OGN: variants seen among roughly 807,000 people sequenced by gnomAD.
OGN encodes the protein mimecan.
Under a neutral mutation model 30.8 loss-of-function variants are expected in OGN, and 19 were observed. The observed-to-expected ratio is 0.62, with a 90% CI of 0.43 to 0.90. The LOEUF (loss-of-function observed/expected upper bound fraction) is 0.90, where lower values mean the gene tolerates loss of function less well. OGN is among the 40% of genes least tolerant of loss of function. OGN has a pLI of 0.00. For synonymous variants in OGN, 126 were observed against 128.3 expected (o/e 0.98, Z 0.12); for missense variants, 283 against 349.7 (o/e 0.81, Z 1.52).
chr9:92,401,329 T>G, intron 2 of OGN, 144 bp from the exon 3 acceptor site: 1 of 502,250 alleles, frequency 2.0e-6, no homozygotes. Context: ...TATTTCCATT[T>G]TATCATCTAT....
chr9:92,391,422 TA>T (rs1397947257), intron 4 of OGN, among the ~76,000 whole-genome samples: 1 of 150,710 alleles, frequency 6.6e-6, no homozygotes, highest in East Asian at 2.0e-4. Flanking sequence ...ATAAATAAAT[TA>T]AATTAAATTA....
At chr9:92,403,511 C>T (rs1564302387) in intron 1 of OGN, 29 bp from the exon 2 acceptor site, 6 of 1,463,578 alleles carry the variant, frequency 4.1e-6, no homozygotes, top group Non-Finnish European at 5.4e-6. Context: ...ACCATCGAAG[C>T]AATATTTAAA....
At position 92,404,479 on chromosome 9, in the gene OGN, A is replaced by G. The variant is rs1214340423; in HGVS notation, c.-76+17T>C. ...TAACAAACAATATTTAAAATAATAT[A>G]TGAAAAGTAAGCCTACCGTTGTAGC... On this transcript the variant is annotated intron_variant, in intron 1 of 6. Coordinates refer to ENST00000375561, the MANE Select transcript of OGN (RefSeq NM_014057.5). 2 of 1,261,122 alleles carry G rather than the reference A, an allele frequency of 1.6e-6. No homozygotes were observed. The highest frequency in any genetic ancestry group is 2.1e-6 in the Non-Finnish European group (2 of 971,060). 78.1% of individuals were successfully genotyped at this position (1,261,122 alleles called of 1,614,324 possible).
chr9:92,386,156 C>G, intron 6 of OGN, 45 bp downstream of exon 6: 1 of 1,421,792 alleles, frequency 7.0e-7, no homozygotes, highest in Non-Finnish European at 9.9e-7. Flanking sequence ...AAGATTTTGA[C>G]TCATAGGTAA....
At position 92,385,781 on chromosome 9, in the gene OGN, TG is replaced by T. The variant is rs755382157; in HGVS notation, c.735del (p.Asn245LysfsTer2). The T allele has an allele frequency of 6.2e-7, 1 of 1,614,078 alleles. No individual in the cohort carries two copies. The highest frequency in any genetic ancestry group is 1.1e-5 in the South Asian group (1 of 91,070). ...SLRVIHLQFN[N>X]IASITDDTFC... The stretch of plus-strand genomic sequence containing the variant: ...AATGTGTCATCTGTAATTGAAGCTA[TG>T]TTGTTGAACTGAAAAAAAACGAGGA... On this transcript the variant is annotated frameshift_variant, in exon 7 of 7. Transcript: ENST00000375561. LOFTEE classifies it high-confidence loss of function.
chr9:92,388,676 G>A (rs1352825136), intron 5 of OGN, among the ~76,000 whole-genome samples: 1 of 151,468 alleles, frequency 6.6e-6, no homozygotes, highest in Non-Finnish European at 1.5e-5. Flanking sequence ...TACTAAAAGT[G>A]TAGAAATTAG....
chr9:92,393,276 A>G (rs771003610), intron 3 of OGN, 32 bp from the exon 4 acceptor site: 64 of 1,543,408 alleles, frequency 4.1e-5, no homozygotes, highest in Non-Finnish European at 5.5e-5. Flanking sequence ...AAAAATATGA[A>G]CAATCGTTTG....
chr9:92,392,835 AG>A (rs1842742020), intron 4 of OGN, among the ~76,000 whole-genome samples: 1 of 152,208 alleles, frequency 6.6e-6, no homozygotes, highest in African/African-American at 2.4e-5. Context: ...GAGAAGATAT[AG>A]TTGCCCATAT....
At chr9:92,394,087 G>A (rs1588091278) in intron 3 of OGN, among the ~76,000 whole-genome samples, 2 of 152,132 alleles carry the variant, frequency 1.3e-5, no homozygotes, top group African/African-American at 4.8e-5. Flanking sequence ...ACTAGTTTTA[G>A]CATCCATTGA....
chr9:92,403,882 A>G, intron 1 of OGN: 1 of 189,370 alleles, frequency 5.3e-6, no homozygotes, highest in Non-Finnish European at 9.8e-6. Flanking sequence ...ATGAACAGAA[A>G]CAAGTTCCAA....
In OGN at chr9:92,390,107, T is replaced by A. The variant is rs1024882268; in HGVS notation, c.428-51A>T. On this transcript the variant is annotated intron_variant, in intron 4 of 6. Transcript: ENST00000375561. Reference sequence around the variant, plus strand: ...AACTACGTAAGTAAAATTCTTATTGTATGGACTGAAGAAAAGCATTTGTTT... The same window carrying A: ...AACTACGTAAGTAAAATTCTTATTGAATGGACTGAAGAAAAGCATTTGTTT... 12 of 1,054,442 alleles carry A rather than the reference T, an allele frequency of 1.1e-5. No individual in the cohort carries two copies. The African/African-American group carries it at 1.8e-4, about 15-fold the overall frequency. 65.3% of individuals were successfully genotyped at this position (1,054,442 alleles called of 1,614,324 possible). A position where few individuals can be genotyped will look rare whatever the true frequency, so the allele number is the denominator to read the frequency against.
chr9:92,387,574 A>G (rs1842487256), intron 5 of OGN, among the ~76,000 whole-genome samples: 1 of 151,732 alleles, frequency 6.6e-6, no homozygotes, highest in African/African-American at 2.4e-5. Context: ...CCTGTGGTAG[A>G]TTTTGCTAAT....
Position 92,404,567 on chromosome 9 carries a change from G to A in OGN, c.-147C>T, listed in dbSNP as rs566156456. On this transcript the variant is annotated 5_prime_UTR_variant, in exon 1 of 7. Coordinates refer to ENST00000375561, the MANE Select transcript of OGN (RefSeq NM_014057.5). ...TCATGTCTGTGCATTAGCCCCAAGT[G>A]GGAGGGTGAATGAGAAAAGCTATGT... is the stretch of plus-strand genomic sequence containing the variant. 5.4e-6 allele frequency: 7 copies of A among 1,295,440 alleles called. No homozygotes were observed. The South Asian group carries it at 7.7e-5, about 14-fold the overall frequency. The allele number at this position is 1,295,440 out of a possible 1,614,324, so 80.2% of individuals were successfully genotyped here. A position where few individuals can be genotyped will look rare whatever the true frequency, so the allele number is the denominator to read the frequency against.
At chr9:92,404,155 CA>C (rs1843230964) in intron 1 of OGN, among the ~76,000 whole-genome samples, 1 of 152,090 alleles carries the variant, frequency 6.6e-6, no homozygotes, top group Non-Finnish European at 1.5e-5. Context: ...TTAGGCTCAT[CA>C]ATGGATTTTC....
intron 3 of OGN, among the ~76,000 whole-genome samples, chr9:92,396,204 G>T (rs945466917): frequency 1.3e-5 from 2 of 152,040 alleles, no homozygotes; most frequent in Non-Finnish European, 2.9e-5. Flanking sequence ...ATTTTATTTT[G>T]TTCTGGTGAC....
intron 2 of OGN, among the ~76,000 whole-genome samples, chr9:92,401,659 G>A (rs1843115619): frequency 6.6e-6 from 1 of 152,016 alleles, no homozygotes; most frequent in African/African-American, 2.4e-5. Context: ...TCTCTTCTTG[G>A]GGTGACCCTT....
chr9:92,395,892 G>T (rs1842873845), intron 3 of OGN, among the ~76,000 whole-genome samples: 1 of 150,044 alleles, frequency 6.7e-6, no homozygotes, highest in Admixed American at 6.7e-5. Flanking sequence ...AGAACAGTTG[G>T]TTCCTTGATA....
chr9:92,390,636 G>T (rs865825495), intron 4 of OGN, among the ~76,000 whole-genome samples: 6 of 152,010 alleles, frequency 3.9e-5, no homozygotes, highest in Non-Finnish European at 8.8e-5. Flanking sequence ...GGATAATTAG[G>T]AAATCAATTG....
chr9:92,388,004 T>A (rs1842504586), intron 5 of OGN, among the ~76,000 whole-genome samples: 1 of 151,848 alleles, frequency 6.6e-6, no homozygotes, highest in Non-Finnish European at 1.5e-5. Context: ...GCTCAGGCAA[T>A]CTGCCCGCCT....
Sources: gnomAD v4.1 joint callset for allele counts (sites outside exome capture counted in the v4.1 genomes callset) on GRCh38, gnomAD v4.1.1 for gene constraint, MANE v1.5 for transcripts, NCBI Gene and HGNC (gene_info 2026-07-23, HGNC 2026-07-21) for gene names.